SPRED2: variants seen among roughly 807,000 people sequenced by gnomAD.
SPRED2 encodes sprouty related EVH1 domain containing 2.
A neutral mutation model predicts 43.0 loss-of-function variants in SPRED2; 47 were observed. The observed-to-expected ratio is 1.09, with a 90% confidence interval of 0.87 to 1.40. The LOEUF (loss-of-function observed/expected upper bound fraction) is 1.40, where lower values mean the gene tolerates loss of function less well. SPRED2 is among the 40% of genes most tolerant of loss of function. The pLI is 0.00. For synonymous variants in SPRED2, 225 were observed against 225.7 expected, an observed-to-expected ratio of 1.00 and a Z score of 0.03; for missense variants, 561 against 586.4, an observed-to-expected ratio of 0.96 and a Z score of 0.45.
Position 65,332,069 on chromosome 2 carries a change from TA to T in SPRED2, c.374-19del. 6.4e-7 allele frequency: 1 copy of T among 1,566,586 alleles called. No homozygotes were observed. The highest frequency in any genetic ancestry group is 8.8e-7 in the Non-Finnish European group (1 of 1,142,516). On this transcript the variant is annotated intron_variant, in intron 3 of 5. Transcript: ENST00000356388. ...TGTTGAACCTAAAAAGACAAAAATG[TA>T]ATAAAAAGTGTTTCCCAAGAGGATA...
In SPRED2 at chr2:65,310,913, A is replaced by G; in HGVS notation, c.*2588T>C. On this transcript the variant is annotated 3_prime_UTR_variant, in exon 6 of 6. Transcript: ENST00000356388. ...AAAGCAATGGCTACATTGGTCATAC[A>G]TATTAGAAACCATAAAAAAAAGTTA... 1.0e-6 allele frequency: 1 copy of G among 985,332 alleles called. No homozygotes were observed. The highest frequency in any genetic ancestry group is 1.2e-6 in the Non-Finnish European group (1 of 829,446). The allele number at this position is 985,332 out of a possible 1,614,324, so 61.0% of individuals were successfully genotyped here. A position where few individuals can be genotyped will look rare whatever the true frequency, so the allele number is the denominator to read the frequency against.
intron 4 of SPRED2, among the ~76,000 whole-genome samples, chr2:65,322,753 AG>A (rs2104156897): frequency 6.6e-6 from 1 of 152,314 alleles, no homozygotes; most frequent in East Asian, 1.9e-4. Context: ...TAATATTTCT[AG>A]GTAATTGGAG....
intron 1 of SPRED2, among the ~76,000 whole-genome samples, chr2:65,402,677 C>T (rs1028401904): frequency 6.6e-6 from 1 of 152,198 alleles, no homozygotes; most frequent in Non-Finnish European, 1.5e-5. Flanking sequence ...CCTATCAGAG[C>T]TCATATGGAA....
At chr2:65,328,008 C>T (rs924745557) in intron 4 of SPRED2, among the ~76,000 whole-genome samples, 9 of 152,134 alleles carry the variant, frequency 5.9e-5, no homozygotes, top group South Asian at 2.1e-4. Flanking sequence ...AGGCATGAAC[C>T]GCTGTGCCCG....
At chr2:65,345,931 A>C (rs1674338065) in intron 1 of SPRED2, among the ~76,000 whole-genome samples, 1 of 152,174 alleles carries the variant, frequency 6.6e-6, no homozygotes, top group Non-Finnish European at 1.5e-5. Flanking sequence ...CAAGGCCATT[A>C]CATTCTCACT....
chr2:65,322,925 C>T (rs560770927), intron 4 of SPRED2, among the ~76,000 whole-genome samples: 65 of 152,296 alleles, frequency 4.3e-4, no homozygotes, highest in South Asian at 1.7e-3. Flanking sequence ...CCAACATAAA[C>T]CTTCTTTGCA....
intron 1 of SPRED2, among the ~76,000 whole-genome samples, chr2:65,413,867 T>A (rs1676216997): frequency 6.6e-6 from 1 of 152,232 alleles, no homozygotes; most frequent in African/African-American, 2.4e-5. Context: ...GACTTAAGTA[T>A]TCCCAAGGCC....
chr2:65,379,386 G>A (rs367905514), intron 1 of SPRED2, among the ~76,000 whole-genome samples: 2 of 152,222 alleles, frequency 1.3e-5, no homozygotes, highest in East Asian at 3.9e-4. Context: ...TCTTATTCAA[G>A]CAAAGAGGAA....
chr2:65,390,665 T>C (rs1368431828), intron 1 of SPRED2, among the ~76,000 whole-genome samples: 1 of 152,194 alleles, frequency 6.6e-6, no homozygotes, highest in Non-Finnish European at 1.5e-5. Flanking sequence ...GTTATGATGA[T>C]TAAACTGTGA....
At position 65,311,211 on chromosome 2, in the gene SPRED2, C is replaced by T. The variant is rs1673059296; in HGVS notation, c.*2290G>A. 8 of 985,838 alleles carry T rather than the reference C, an allele frequency of 8.1e-6. No homozygotes were observed. Among genetic ancestry groups the T allele is most frequent in the Non-Finnish European group, 9.6e-6 (8 of 829,930 alleles). The allele number at this position is 985,838 out of a possible 1,614,324, so 61.1% of individuals were successfully genotyped here. On this transcript the variant is annotated 3_prime_UTR_variant, in exon 6 of 6. Transcript: ENST00000356388. ...AATGATTGACGTCAGTATGGCAAAGCTGACTGGGAAAATACTACACACTGT... is the reference window on the plus strand; with the variant it reads ...AATGATTGACGTCAGTATGGCAAAGTTGACTGGGAAAATACTACACACTGT...
chr2:65,401,937 G>GCGCACA (rs776512353), intron 1 of SPRED2, among the ~76,000 whole-genome samples: 99 of 114,708 alleles, frequency 8.6e-4, no homozygotes, highest in Middle Eastern at 3.9e-3. Context: ...GCGCGCGCGC[G>GCGCACA]CACACACACA....
intron 4 of SPRED2, among the ~76,000 whole-genome samples, chr2:65,331,676 G>T (rs1673816307): frequency 6.6e-6 from 1 of 152,192 alleles, no homozygotes; most frequent in South Asian, 2.1e-4. Context: ...CTAAAACCAG[G>T]ACAGACTTGG....
At chr2:65,308,509 T>A (rs1672986703), downstream of SPRED2, 2 of 984,998 alleles carry the variant, frequency 2.0e-6, no homozygotes. Context: ...ATATTGATAA[T>A]GCGCTTCAGC....
intron 4 of SPRED2, 91 bp from the exon 5 acceptor site, chr2:65,316,974 C>G: frequency 7.3e-7 from 1 of 1,362,982 alleles, no homozygotes; most frequent in Admixed American, 2.0e-5. Context: ...CAAATACTAG[C>G]TATTCCCTGG....
chr2:65,393,555 G>A (rs184717219), intron 1 of SPRED2, among the ~76,000 whole-genome samples: 1 of 151,938 alleles, frequency 6.6e-6, no homozygotes. Context: ...GGCTGGTCTC[G>A]AACTCCTGAC....
chr2:65,314,257 C>T, intron 5 of SPRED2, 88 bp from the exon 6 acceptor site: 3 of 1,297,026 alleles, frequency 2.3e-6, no homozygotes, highest in East Asian at 2.5e-5. Context: ...CCTCCCTAGC[C>T]GTCCAAAATG....
At chr2:65,389,360 C>G (rs1675579781) in intron 1 of SPRED2, among the ~76,000 whole-genome samples, 1 of 148,824 alleles carries the variant, frequency 6.7e-6, no homozygotes, top group African/African-American at 2.5e-5. Flanking sequence ...GTTAATTTTT[C>G]TACATTACTT....
At chr2:65,347,710 T>G (rs1350979795) in intron 1 of SPRED2, among the ~76,000 whole-genome samples, 1 of 152,172 alleles carries the variant, frequency 6.6e-6, no homozygotes, top group African/African-American at 2.4e-5. Context: ...AGGTCTCTTC[T>G]GTGAGATTCA....
intron 1 of SPRED2, among the ~76,000 whole-genome samples, chr2:65,386,055 C>T (rs1260565021): frequency 2.0e-5 from 3 of 152,008 alleles, no homozygotes; most frequent in African/African-American, 4.8e-5. Flanking sequence ...GAAGCGGGGG[C>T]GGGAGGATCG....
Sources: allele counts gnomAD v4.1 joint callset (sites outside exome capture counted in the v4.1 genomes callset), GRCh38; gene constraint gnomAD v4.1.1; transcripts MANE v1.5; gene names NCBI Gene and HGNC (gene_info 2026-07-23, HGNC 2026-07-21).